NNT: variants seen among roughly 807,000 people sequenced by gnomAD.
NNT encodes the protein nicotinamide nucleotide transhydrogenase.
In NNT, 50 loss-of-function variants were observed where a neutral mutation model predicts 104.8. The observed-to-expected ratio is 0.48, with a 90% CI of 0.38 to 0.60. The LOEUF (loss-of-function observed/expected upper bound fraction) is 0.60, where lower values mean the gene tolerates loss of function less well. Among genes scored for constraint, NNT ranks in the 20% least tolerant of loss-of-function variants. NNT has a pLI of 0.00. For missense variants in NNT, 1,131 were observed against 1,330.7 expected (o/e 0.85, Z 2.33); for synonymous variants, 461 against 490.4 (o/e 0.94, Z 0.79).
chr5:43,701,019 G>T (rs16873501), intron 20 of NNT, among the ~76,000 whole-genome samples: 10,566 of 152,188 alleles, frequency 0.069, 635 homozygotes, highest in African/African-American at 0.16. Flanking sequence ...AATTATGTGT[G>T]ACACCACCCA....
intron 19 of NNT, among the ~76,000 whole-genome samples, chr5:43,680,665 C>T (rs1741656781): frequency 6.6e-6 from 1 of 152,194 alleles, no homozygotes; most frequent in Admixed American, 6.5e-5. Context: ...TTACTTTGCC[C>T]ATAGTCATAA....
chr5:43,685,531 C>T (rs956065736), intron 19 of NNT, among the ~76,000 whole-genome samples: 1 of 151,952 alleles, frequency 6.6e-6, no homozygotes, highest in East Asian at 1.9e-4. Flanking sequence ...TTTATAATAG[C>T]AAGAAGCTGA....
chr5:43,628,935 G>GTT lies in NNT; in HGVS notation c.964+560_964+561dup, dbSNP rs11436190. On this transcript the variant is annotated intron_variant, in intron 7 of 21. Transcript: ENST00000344920. ...TCATAGATTATACTGTGTGTACAAT[G>GTT]TTTTTTTTTTTTTCCGAAGAATAAA... is the stretch of plus-strand genomic sequence containing the variant. 3.4e-4 allele frequency among the ~76,000 whole-genome samples: 48 copies of GTT among 140,328 alleles called. 1 individual carries two copies. The highest frequency in any genetic ancestry group is 9.1e-4 in the South Asian group (4 of 4,380). 92.1% of individuals were successfully genotyped at this position (140,328 alleles called of 152,430 possible).
At chr5:43,703,768 A>T (rs1358675008) in intron 21 of NNT, among the ~76,000 whole-genome samples, 1 of 152,150 alleles carries the variant, frequency 6.6e-6, no homozygotes, top group Admixed American at 6.5e-5. Flanking sequence ...GAGAAGCTGG[A>T]TTGCTCTTTG....
chr5:43,620,584 GA>G (rs1750034032), intron 5 of NNT, among the ~76,000 whole-genome samples: 1 of 149,590 alleles, frequency 6.7e-6, no homozygotes, highest in Non-Finnish European at 1.5e-5. Flanking sequence ...AAATCTCCTG[GA>G]AAAAAATTAA....
intron 21 of NNT, among the ~76,000 whole-genome samples, chr5:43,703,412 CTT>C (rs1260330288): frequency 2.0e-5 from 3 of 152,186 alleles, no homozygotes; most frequent in East Asian, 1.9e-4. Context: ...GAGTTTAAAA[CTT>C]AATATTTGTG....
In NNT at chr5:43,639,863, C is replaced by T. The variant is rs1327559687; in HGVS notation, c.965-4329C>T. On this transcript the variant is annotated intron_variant, in intron 7 of 21. Coordinates refer to ENST00000344920, the MANE Select transcript of NNT (RefSeq NM_182977.3). ...CCTTCACCCACAGTTGGTATTGTGT[C>T]AGAAAATATTTCTTAAAATTTTCTC... Among the ~76,000 whole-genome samples, 14 of 151,952 alleles carry T rather than the reference C, an allele frequency of 9.2e-5. No homozygotes were observed. The East Asian group carries it at 2.7e-3, about 29-fold the overall frequency.
chr5:43,671,841 G>A (rs1322608830), intron 17 of NNT, among the ~76,000 whole-genome samples: 4 of 152,104 alleles, frequency 2.6e-5, no homozygotes, highest in African/African-American at 7.2e-5. Flanking sequence ...GCCTTGCTAG[G>A]TTGGGGAAGT....
chr5:43,699,157 A>C (rs1298802036), intron 19 of NNT, among the ~76,000 whole-genome samples: 6 of 152,082 alleles, frequency 3.9e-5, no homozygotes. Flanking sequence ...ATCTGTGGTC[A>C]AAAGAAGTTG....
chr5:43,677,800 A>T lies in NNT; in HGVS notation c.2870A>T (p.Lys957Ile), dbSNP rs538226244. Reference sequence around the variant, plus strand: ...AAGATGCTCACTGAGCAAGGCAAAAAAGTCAGGTAAGCGTTTGCAGTGGAG... The same window carrying T: ...AAGATGCTCACTGAGCAAGGCAAAATAGTCAGGTAAGCGTTTGCAGTGGAG... Reference protein sequence around the residue: ...LVKMLTEQGKKVRFGIHPVAG... With the variant: ...LVKMLTEQGKIVRFGIHPVAG... The change falls in exon 19 of 22, where the codon AAA becomes ATA. Residue 957 changes from lysine (K) to isoleucine (I), a missense_variant. By Grantham distance (102) the Lys-to-Ile change is moderately radical. Coordinates refer to ENST00000344920, the MANE Select transcript of NNT (RefSeq NM_182977.3). 1.9e-6 allele frequency: 3 copies of T among 1,613,154 alleles called. No homozygotes were observed. Among genetic ancestry groups the T allele is most frequent in the Non-Finnish European group, 2.5e-6 (3 of 1,179,332 alleles).
chr5:43,624,062 C>T lies in NNT; in HGVS notation c.718C>T (p.Leu240Phe). 6.2e-7 allele frequency: 1 copy of T among 1,614,172 alleles called. No individual in the cohort carries two copies. Among genetic ancestry groups the T allele is most frequent in the Non-Finnish European group, 8.5e-7 (1 of 1,180,024 alleles). ...GATAGTTGGTGGTGGTGTTGCTGGG[C>T]TTGCTTCTGCAGGCGCAGCAAAGTC... The part of the protein sequence containing the change: ...ILIVGGGVAG[L>F]ASAGAAKSMG... The change falls in exon 6 of 22, where the codon CTT (leucine) becomes TTT (phenylalanine). Residue 240 changes from leucine to phenylalanine, a missense_variant. Transcript: ENST00000344920.
Position 43,655,885 on chromosome 5 carries a change from T to G in NNT, c.2105T>G (p.Leu702Ter). The G allele has an allele frequency of 6.2e-7, 1 of 1,614,244 alleles. No homozygotes were observed. The highest frequency in any genetic ancestry group is 8.5e-7 in the Non-Finnish European group (1 of 1,180,040). ...KRIQISDLPQLVAAFHSLVGL... is the reference protein window; with the variant it reads ...KRIQISDLPQ ...ATCCAGATTTCTGATTTACCTCAATTAGTTGCTGCTTTTCACAGTTTAGTG... is the reference window on the plus strand; with the variant it reads ...ATCCAGATTTCTGATTTACCTCAATGAGTTGCTGCTTTTCACAGTTTAGTG... The change falls in exon 15 of 22, where the codon TTA (leucine) becomes TGA (stop). Residue 702 changes from leucine (L) to a stop codon, truncating the protein, a stop_gained. Transcript: ENST00000344920. LOFTEE classifies it high-confidence loss of function.
chr5:43,625,829 C>T (rs1423795491), intron 6 of NNT, among the ~76,000 whole-genome samples: 2 of 152,010 alleles, frequency 1.3e-5, no homozygotes, highest in African/African-American at 4.8e-5. Context: ...AGCACAAGAA[C>T]AGAAAATAAA....
rs557496766 is a variant in NNT at position 43,608,092 on chromosome 5, G to A, written c.-53-1051G>A. 3.3e-5 allele frequency among the ~76,000 whole-genome samples: 5 copies of A among 152,154 alleles called. No individual in the cohort carries two copies. The South Asian group carries it at 6.2e-4, about 19-fold the overall frequency. The stretch of plus-strand genomic sequence containing the variant: ...ATTACAGGTGCCAGCTACCAGGGCC[G>A]GCTAATTTTTATATTTTTAGTAGAA... On this transcript the variant is annotated intron_variant, in intron 1 of 21. Transcript: ENST00000344920.
intron 17 of NNT, among the ~76,000 whole-genome samples, chr5:43,660,824 C>A (rs1470326502): frequency 6.6e-6 from 1 of 152,178 alleles, no homozygotes; most frequent in Non-Finnish European, 1.5e-5. Flanking sequence ...CCCCCATAAT[C>A]CATCACCTTC....
chr5:43,614,973 T>C (rs982247754), intron 3 of NNT, among the ~76,000 whole-genome samples: 2 of 150,828 alleles, frequency 1.3e-5, no homozygotes, highest in African/African-American at 4.9e-5. Context: ...CCGTCTCTAC[T>C]AAAAATACAA....
chr5:43,682,740 CT>C (rs983525970), intron 19 of NNT, among the ~76,000 whole-genome samples: 4 of 152,148 alleles, frequency 2.6e-5, no homozygotes, highest in African/African-American at 9.7e-5. Flanking sequence ...CTTTGTAATA[CT>C]TTTATAAAAT....
At chr5:43,675,867 A>C (rs949209117) in intron 18 of NNT, among the ~76,000 whole-genome samples, 197 bp downstream of exon 18, 2 of 152,170 alleles carry the variant, frequency 1.3e-5, no homozygotes, top group African/African-American at 4.8e-5. Context: ...GATCACATGG[A>C]AATTCTATAA....
Position 43,677,721 on chromosome 5 carries a change from G to A in NNT, c.2795-4G>A, listed in dbSNP as rs1163295018. On this transcript the variant is annotated splice_polypyrimidine_tract_variant and splice_region_variant and intron_variant, in intron 18 of 21. Coordinates refer to ENST00000344920, the MANE Select transcript of NNT (RefSeq NM_182977.3). ...TTCTTCTGTGTTCTTAATGTTCCTTGCAGGCTATGGTCTCTGTGCAGCCAA... is the reference window on the plus strand; with the variant it reads ...TTCTTCTGTGTTCTTAATGTTCCTTACAGGCTATGGTCTCTGTGCAGCCAA... 4.3e-6 allele frequency: 7 copies of A among 1,612,234 alleles called. No individual in the cohort carries two copies. The highest frequency in any genetic ancestry group is 5.9e-6 in the Non-Finnish European group (7 of 1,178,416).
Sources: allele counts gnomAD v4.1 joint callset (sites outside exome capture counted in the v4.1 genomes callset), GRCh38; gene constraint gnomAD v4.1.1; transcripts MANE v1.5; gene names NCBI Gene and HGNC (gene_info 2026-07-23, HGNC 2026-07-21).